The following KCNIP4 variants were observed in gnomAD, a reference collection of about 807,000 sequenced individuals.
The protein encoded by KCNIP4 is Kv channel-interacting protein 4.
In KCNIP4, 12 loss-of-function variants were observed where a neutral mutation model predicts 34.0. The ratio of observed to expected loss-of-function variants is 0.35; its 90% CI spans 0.23 to 0.57. The LOEUF (loss-of-function observed/expected upper bound fraction) is 0.57, where lower values mean the gene tolerates loss of function less well. KCNIP4 is among the 20% of genes least tolerant of loss of function. The pLI, the probability that KCNIP4 is intolerant of heterozygous loss-of-function variation, is 0.83. For synonymous variants in KCNIP4, 124 were observed against 102.2 expected (o/e 1.21, Z -1.29); for missense variants, 238 against 311.7 (o/e 0.76, Z 1.78).
chr4:21,390,753 T>C (rs937381374), intron 1 of KCNIP4, among the ~76,000 whole-genome samples: 1 of 152,226 alleles, frequency 6.6e-6, no homozygotes, highest in Non-Finnish European at 1.5e-5. Flanking sequence ...TCCAGCTTTG[T>C]TCTTTTGGCT....
chr4:21,501,986 T>TGC lies in KCNIP4; in HGVS notation c.61+446583_61+446584dup, dbSNP rs534393847. Among the ~76,000 whole-genome samples, 67 of 102,396 alleles carry TGC rather than the reference T, an allele frequency of 6.5e-4. No homozygotes were observed. The East Asian group carries it at 0.013, about 19-fold the overall frequency. The allele number at this position is 102,396 out of a possible 152,430, so 67.2% of individuals were successfully genotyped here. On this transcript the variant is annotated intron_variant, in intron 1 of 8. Transcript: ENST00000382152. ...GAGAATTTTCTCTCTCTCTCTCTCA[T>TGC]GCACACGCACACACACACACACACA...
At chr4:20,731,670 T>C in intron 8 of KCNIP4, 2 of 985,270 alleles carry the variant, frequency 2.0e-6, no homozygotes, top group Non-Finnish European at 2.4e-6. Context: ...AGATAATATA[T>C]GAGTGATGCT....
At chr4:20,798,963 G>A (rs759440160) in intron 3 of KCNIP4, among the ~76,000 whole-genome samples, 1 of 152,274 alleles carries the variant, frequency 6.6e-6, no homozygotes, top group South Asian at 2.1e-4. Flanking sequence ...TGCCTGTACT[G>A]CTACTGCACT....
intron 1 of KCNIP4, among the ~76,000 whole-genome samples, chr4:21,592,833 A>T (rs1231536980): frequency 1.3e-5 from 2 of 151,868 alleles, no homozygotes; most frequent in Admixed American, 1.3e-4. Context: ...CACATAAAAT[A>T]TTTTTTTTGG....
chr4:21,826,575 A>G (rs969257349), intron 1 of KCNIP4, among the ~76,000 whole-genome samples: 4 of 152,158 alleles, frequency 2.6e-5, no homozygotes, highest in Non-Finnish European at 5.9e-5. Context: ...AAAAATTTTT[A>G]AACGGTCACT....
chr4:21,383,627 G>A (rs1326582666), intron 1 of KCNIP4, among the ~76,000 whole-genome samples: 1 of 152,010 alleles, frequency 6.6e-6, no homozygotes, highest in Non-Finnish European at 1.5e-5. Flanking sequence ...GGATCACTAA[G>A]TGAGTATTTG....
intron 1 of KCNIP4, among the ~76,000 whole-genome samples, chr4:21,000,610 G>A (rs974100989): frequency 6.6e-6 from 1 of 151,966 alleles, no homozygotes; most frequent in Non-Finnish European, 1.5e-5. Context: ...ACTTGAACCC[G>A]GGAGGTGGAG....
At chr4:21,229,707 G>C (rs1440431325) in intron 1 of KCNIP4, among the ~76,000 whole-genome samples, 2 of 152,106 alleles carry the variant, frequency 1.3e-5, no homozygotes, top group Admixed American at 6.6e-5. Flanking sequence ...TGTTTCTTTA[G>C]AAGGCATCAT....
chr4:21,851,651 T>G (rs1724404819), intron 1 of KCNIP4: 1 of 152,154 alleles, frequency 6.6e-6, no homozygotes. Flanking sequence ...GGGCACACCT[T>G]AAGACAGCCC....
chr4:21,127,509 C>CCTGA (rs1750723291), intron 1 of KCNIP4, among the ~76,000 whole-genome samples: 1 of 152,150 alleles, frequency 6.6e-6, no homozygotes, highest in Non-Finnish European at 1.5e-5. Context: ...TTCCATCTTA[C>CCTGA]CTGACTCTCC....
chr4:20,803,599 C>T (rs1046220768), intron 3 of KCNIP4, among the ~76,000 whole-genome samples: 27 of 149,144 alleles, frequency 1.8e-4, no homozygotes, highest in African/African-American at 5.2e-4. Context: ...TGGAGGCTGC[C>T]GTAAGCTGAG....
chr4:21,580,076 G>A (rs1341435592), intron 1 of KCNIP4, among the ~76,000 whole-genome samples: 1 of 152,028 alleles, frequency 6.6e-6, no homozygotes, highest in Non-Finnish European at 1.5e-5. Context: ...TAGTTAAGGG[G>A]TAATGTCTAT....
At chr4:21,522,379 CT>C (rs1041128248) in intron 1 of KCNIP4, among the ~76,000 whole-genome samples, 3 of 151,400 alleles carry the variant, frequency 2.0e-5, no homozygotes, top group Non-Finnish European at 2.9e-5. Context: ...GCAGCCTCAA[CT>C]TTTTTTTTCT....
At chr4:20,769,226 A>G (rs983431297) in intron 3 of KCNIP4, among the ~76,000 whole-genome samples, 1 of 152,216 alleles carries the variant, frequency 6.6e-6, no homozygotes, top group African/African-American at 2.4e-5. Context: ...ATGTATATAA[A>G]GATTCTAGCA....
intron 1 of KCNIP4, among the ~76,000 whole-genome samples, chr4:21,803,613 A>G (rs1015217273): frequency 5.3e-5 from 8 of 151,994 alleles, no homozygotes; most frequent in African/African-American, 1.9e-4. Context: ...TCTTCTCTCA[A>G]TGTCTCCAAA....
At chr4:21,268,447 T>G (rs1761950291) in intron 1 of KCNIP4, among the ~76,000 whole-genome samples, 1 of 152,174 alleles carries the variant, frequency 6.6e-6, no homozygotes. Flanking sequence ...ATTTTGTTAC[T>G]TTAACACCAG....
chr4:21,501,387 T>G (rs6845225), intron 1 of KCNIP4, among the ~76,000 whole-genome samples: 5,827 of 151,950 alleles, frequency 0.038, 340 homozygotes, highest in African/African-American at 0.12. Context: ...CGGGACACAG[T>G]ACTACCCTCT....
chr4:21,291,172 T>C (rs1763436479), intron 1 of KCNIP4, among the ~76,000 whole-genome samples: 1 of 152,174 alleles, frequency 6.6e-6, no homozygotes, highest in Non-Finnish European at 1.5e-5. Context: ...CTTGTACACA[T>C]GGTTAAATAT....
At chr4:21,474,199 A>G (rs954268049) in intron 1 of KCNIP4, among the ~76,000 whole-genome samples, 3 of 152,154 alleles carry the variant, frequency 2.0e-5, no homozygotes, top group East Asian at 1.9e-4. Flanking sequence ...AGTGGAATAT[A>G]TTTAGCTGAA....
Sources: gnomAD v4.1 joint callset for allele counts (sites outside exome capture counted in the v4.1 genomes callset) on GRCh38, gnomAD v4.1.1 for gene constraint, MANE v1.5 for transcripts, NCBI Gene and HGNC (gene_info 2026-07-23, HGNC 2026-07-21) for gene names.